Variants in TEC observed in about 807,000 individuals in gnomAD.
The protein encoded by TEC is tec protein tyrosine kinase, also known as tyrosine-protein kinase Tec.
Under a neutral mutation model 93.0 loss-of-function variants are expected in TEC, and 72 were observed. The observed-to-expected ratio is 0.77, with a 90% CI of 0.64 to 0.94. The LOEUF (loss-of-function observed/expected upper bound fraction) is 0.94, where lower values mean the gene tolerates loss of function less well. Among genes scored for constraint, TEC ranks in the 40% least tolerant of loss-of-function variants. The probability of loss-of-function intolerance (pLI) is 0.00; values close to 1 mark genes in which losing one functional copy is unlikely to be tolerated. For synonymous variants in TEC, 249 were observed against 247.7 expected, an observed-to-expected ratio of 1.01 and a Z score of -0.05; for missense variants, 630 against 757.9, an observed-to-expected ratio of 0.83 and a Z score of 1.98.
intron 2 of TEC, among the ~76,000 whole-genome samples, chr4:48,179,361 TATATATATATA>T (rs1346119622): frequency 8.0e-4 from 35 of 43,996 alleles, no homozygotes; most frequent in East Asian, 1.4e-3. Context: ...TATATATATA[TATATATATATA>T]TATATTTTTT....
intron 15 of TEC, among the ~76,000 whole-genome samples, chr4:48,140,018 T>C (rs898022007): frequency 6.6e-6 from 1 of 152,220 alleles, no homozygotes; most frequent in African/African-American, 2.4e-5. Context: ...GCCTAACATA[T>C]GAAGATTGAA....
intron 2 of TEC, among the ~76,000 whole-genome samples, chr4:48,187,125 C>A (rs904441160): frequency 2.0e-5 from 3 of 152,204 alleles, no homozygotes; most frequent in Non-Finnish European, 4.4e-5. Context: ...TAATCTATAA[C>A]CTTACCCCCA....
chr4:48,176,179 T>C lies in TEC; in HGVS notation c.146A>G (p.Tyr49Cys). The part of the protein sequence containing the change: ...TYYEGRAEKK[Y>C]RKGFIDVSKI... Reference sequence around the variant, plus strand: ...TGAAACATCAATAAACCCCTTTCTGTATTTCTTCTGTTAAAAGAAAAAAAG... The same window carrying C: ...TGAAACATCAATAAACCCCTTTCTGCATTTCTTCTGTTAAAAGAAAAAAAG... Residue 49 changes from tyrosine to cysteine, a missense_variant, in exon 3 of 18, where the codon TAC becomes TGC. Physicochemically the swap from Tyr to Cys is radical, Grantham distance 194. This residue lies in a region of TEC where 335 missense variants were observed against 351.5 expected (regional missense o/e 0.95). Transcript: ENST00000381501. 1 of 1,608,984 alleles carries C rather than the reference T, an allele frequency of 6.2e-7. No homozygotes were observed. Among genetic ancestry groups the C allele is most frequent in the Non-Finnish European group, 8.5e-7 (1 of 1,176,026 alleles).
intron 1 of TEC, among the ~76,000 whole-genome samples, chr4:48,231,098 T>C (rs1168901924): frequency 2.6e-5 from 4 of 152,254 alleles, no homozygotes; most frequent in Non-Finnish European, 1.5e-5. Context: ...TCCAGGTTTT[T>C]TTATTCAGTT....
intron 1 of TEC, among the ~76,000 whole-genome samples, chr4:48,229,799 C>T (rs55657817): frequency 0.16 from 24,187 of 151,012 alleles, 2,141 homozygotes; most frequent in Non-Finnish European, 0.2. Flanking sequence ...ATAGGCTGAG[C>T]GTGGTGGCTC....
intron 2 of TEC, among the ~76,000 whole-genome samples, chr4:48,181,330 C>G (rs1478115644): frequency 6.6e-6 from 1 of 152,086 alleles, no homozygotes; most frequent in Non-Finnish European, 1.5e-5. Context: ...GCAGCTTATT[C>G]TAGCCACATC....
chr4:48,139,034 C>A lies in TEC; in HGVS notation c.1536-12G>T. ...CATCCAGAACATACCTAGAGTAAGA[C>A]ACACCATGGGTTTACACCTCTGAAG... On this transcript the variant is annotated splice_polypyrimidine_tract_variant and intron_variant, in intron 15 of 17. Transcript: ENST00000381501. The A allele has an allele frequency of 6.2e-7, 1 of 1,601,792 alleles. No homozygotes were observed. The highest frequency in any genetic ancestry group is 1.3e-5 in the African/African-American group (1 of 74,826).
intron 2 of TEC, among the ~76,000 whole-genome samples, chr4:48,185,873 A>C: frequency 1.5e-5 from 2 of 134,144 alleles, no homozygotes; most frequent in African/African-American, 5.6e-5. Flanking sequence ...TCTCCCTCTC[A>C]CCGGTCTCCC....
chr4:48,186,785 T>A (rs4352448), intron 2 of TEC, among the ~76,000 whole-genome samples: 98,202 of 148,444 alleles, frequency 0.66, 32,014 homozygotes, highest in Admixed American at 0.75. Context: ...GCCCCCGCCC[T>A]GCCAGCCGCC....
At chr4:48,181,427 C>A (rs191879039) in intron 2 of TEC, among the ~76,000 whole-genome samples, 2 of 152,194 alleles carry the variant, frequency 1.3e-5, no homozygotes, top group East Asian at 3.9e-4. Context: ...GTAATCCCAG[C>A]ACTTTGAGAG....
At chr4:48,244,944 G>A (rs889560339) in intron 1 of TEC, among the ~76,000 whole-genome samples, 5 of 152,212 alleles carry the variant, frequency 3.3e-5, no homozygotes, top group African/African-American at 1.2e-4. Context: ...AACAGGCAGA[G>A]TTGAGAGATA....
At chr4:48,250,281 T>G (rs1450344341) in intron 1 of TEC, among the ~76,000 whole-genome samples, 1 of 152,218 alleles carries the variant, frequency 6.6e-6, no homozygotes, top group Non-Finnish European at 1.5e-5. Context: ...TCAAATCTAA[T>G]TCATCAGCAT....
In TEC at chr4:48,225,851, C is replaced by T. The variant is rs180797154; in HGVS notation, c.138+2626G>A. On this transcript the variant is annotated intron_variant, in intron 2 of 17. Transcript: ENST00000381501. ...GAGAAGAAACCAGAAGGGATCAAAA[C>T]GCCCAGCTCATCAGAGGAGTGGGGG... Among the ~76,000 whole-genome samples, 70 of 152,106 alleles carry T rather than the reference C, an allele frequency of 4.6e-4. No homozygotes were observed. In the South Asian group the frequency reaches 4.8e-3, roughly 10 times the overall value.
Position 48,264,882 on chromosome 4 carries a change from G to A in TEC, c.-46+4870C>T, listed in dbSNP as rs755258748. 4.1e-4 allele frequency among the ~76,000 whole-genome samples: 62 copies of A among 151,952 alleles called. 1 individual carries two copies. The highest frequency in any genetic ancestry group is 6.8e-4 in the Non-Finnish European group (46 of 67,984). The stretch of plus-strand genomic sequence containing the variant: ...TTGAACTCCTGACCTCAAGTGTTCC[G>A]CCCACTTTGGCCTCCCAAAGTGCTA... On this transcript the variant is annotated intron_variant, in intron 1 of 17. Coordinates refer to ENST00000381501, the MANE Select transcript of TEC (RefSeq NM_003215.3).
intron 5 of TEC, 55 bp downstream of exon 5, chr4:48,170,193 C>T: frequency 7.1e-7 from 1 of 1,400,436 alleles, no homozygotes; most frequent in Non-Finnish European, 9.9e-7. Flanking sequence ...CTTACCATAC[C>T]AATAATACGT....
chr4:48,222,843 G>C (rs927109646), intron 2 of TEC, among the ~76,000 whole-genome samples: 1 of 151,866 alleles, frequency 6.6e-6, no homozygotes, highest in African/African-American at 2.4e-5. Flanking sequence ...GAAACCTCTT[G>C]GCCTCCACAG....
intron 1 of TEC, among the ~76,000 whole-genome samples, chr4:48,229,935 C>T (rs1454541973): frequency 6.6e-6 from 1 of 151,626 alleles, no homozygotes; most frequent in Non-Finnish European, 1.5e-5. Context: ...ATTAGCTGGA[C>T]ATGGTGGCAG....
intron 1 of TEC, among the ~76,000 whole-genome samples, chr4:48,239,979 TGA>T (rs1477834654): frequency 2.0e-5 from 2 of 99,222 alleles, no homozygotes; most frequent in Non-Finnish European, 1.9e-5. Flanking sequence ...ATTTGCTCTG[TGA>T]GTGTGTGTGT....
At chr4:48,265,370 G>GAT (rs1724605592) in intron 1 of TEC, among the ~76,000 whole-genome samples, 1 of 148,660 alleles carries the variant, frequency 6.7e-6, no homozygotes, top group African/African-American at 2.5e-5. Context: ...TTACCAATGA[G>GAT]ATAGATATAT....
Sources: gnomAD v4.1 joint callset for allele counts (sites outside exome capture counted in the v4.1 genomes callset) on GRCh38, gnomAD v4.1.1 for gene constraint, gnomAD v4.1.1 regional missense constraint, MANE v1.5 for transcripts, NCBI Gene and HGNC (gene_info 2026-07-23, HGNC 2026-07-21) for gene names.